Variants in STK38L observed in about 807,000 individuals in gnomAD.
STK38L encodes serine/threonine-protein kinase 38-like.
In STK38L, 28 loss-of-function variants were observed where a neutral mutation model predicts 59.7. The observed-to-expected ratio is 0.47, with a 90% CI of 0.35 to 0.64. The LOEUF is 0.64. STK38L is among the 30% of genes least tolerant of loss of function. The probability of loss-of-function intolerance (pLI) is 0.01; values close to 1 mark genes in which losing one functional copy is unlikely to be tolerated. For synonymous variants in STK38L, 162 were observed against 176.8 expected, an observed-to-expected ratio of 0.92 and a Z score of 0.66; for missense variants, 314 against 555.8, an observed-to-expected ratio of 0.56 and a Z score of 4.37.
chr12:27,254,770 G>A (rs906526693), intron 1 of STK38L, among the ~76,000 whole-genome samples: 2 of 152,136 alleles, frequency 1.3e-5, no homozygotes, highest in African/African-American at 2.4e-5. Context: ...GAGGAAAAGC[G>A]GGCTTGTGGG....
At chr12:27,260,511 CT>C (rs747120654) in intron 1 of STK38L, among the ~76,000 whole-genome samples, 5 of 152,134 alleles carry the variant, frequency 3.3e-5, no homozygotes, top group East Asian at 3.9e-4. Context: ...GTTCTTGCCC[CT>C]GTCACCTCTC....
At chr12:27,255,696 G>A (rs1464667528) in intron 1 of STK38L, among the ~76,000 whole-genome samples, 2 of 152,082 alleles carry the variant, frequency 1.3e-5, no homozygotes, top group Non-Finnish European at 2.9e-5. Context: ...TGGTTAATGT[G>A]CTCTTTTGTC....
At chr12:27,258,507 T>G (rs559828768) in intron 1 of STK38L, among the ~76,000 whole-genome samples, 1 of 152,200 alleles carries the variant, frequency 6.6e-6, no homozygotes, top group Admixed American at 6.5e-5. Context: ...TTTTGTATTT[T>G]TAGTAGAGAT....
At chr12:27,264,075 A>G (rs1415737469) in intron 1 of STK38L, among the ~76,000 whole-genome samples, 1 of 152,192 alleles carries the variant, frequency 6.6e-6, no homozygotes, top group Non-Finnish European at 1.5e-5. Context: ...ACTGGTGAAT[A>G]GTGGAAAATA....
chr12:27,275,821 C>T (rs2136621807), intron 1 of STK38L, among the ~76,000 whole-genome samples: 1 of 152,298 alleles, frequency 6.6e-6, no homozygotes, highest in Non-Finnish European at 1.5e-5. Flanking sequence ...GCAATTCTTA[C>T]TATATTATAC....
chr12:27,257,890 C>A (rs1435126806), intron 1 of STK38L, among the ~76,000 whole-genome samples: 1 of 144,442 alleles, frequency 6.9e-6, no homozygotes, highest in Non-Finnish European at 1.5e-5. Flanking sequence ...TAAGTGGAGT[C>A]TTGCTGTGTT....
intron 1 of STK38L, among the ~76,000 whole-genome samples, chr12:27,279,957 A>T (rs1454223188): frequency 6.6e-6 from 1 of 152,148 alleles, no homozygotes; most frequent in African/African-American, 2.4e-5. Context: ...CTTTGGGATG[A>T]TGACTTAACT....
intron 1 of STK38L, among the ~76,000 whole-genome samples, chr12:27,289,796 C>T (rs964428007): frequency 5.3e-5 from 8 of 152,252 alleles, no homozygotes; most frequent in African/African-American, 1.9e-4. Context: ...ACACCTCTAC[C>T]TCTAGTTCTA....
intron 1 of STK38L, among the ~76,000 whole-genome samples, chr12:27,249,488 C>T (rs1341750326): frequency 2.6e-5 from 4 of 152,210 alleles, no homozygotes; most frequent in African/African-American, 9.6e-5. Context: ...CAGGCACGCA[C>T]CACCATGCCT....
At chr12:27,255,081 A>G (rs550924879) in intron 1 of STK38L, among the ~76,000 whole-genome samples, 14 of 152,386 alleles carry the variant, frequency 9.2e-5, no homozygotes, top group Admixed American at 2.6e-4. Flanking sequence ...TTAAATATCA[A>G]TGAAAATTAT....
chr12:27,262,496 A>G lies in STK38L; in HGVS notation c.-12+18164A>G, dbSNP rs960638359. 9.5e-4 allele frequency among the ~76,000 whole-genome samples: 144 copies of G among 152,276 alleles called. 1 individual carries two copies. Among genetic ancestry groups the G allele is most frequent in the Middle Eastern group, 3.4e-3 (1 of 294 alleles). On this transcript the variant is annotated intron_variant, in intron 1 of 13. Transcript: ENST00000389032. ...TTACATTTTCCATGGCAGAAAACTG[A>G]TAAAATCATTGAGTAGTCAATTTCT...
At chr12:27,256,949 A>G (rs1943103284) in intron 1 of STK38L, among the ~76,000 whole-genome samples, 1 of 152,232 alleles carries the variant, frequency 6.6e-6, no homozygotes, top group African/African-American at 2.4e-5. Flanking sequence ...AAAGGAACAT[A>G]GGGCTTCTCA....
At chr12:27,314,907 T>A (rs113870848) in intron 7 of STK38L, 108 bp from the exon 8 acceptor site, 20 of 964,454 alleles carry the variant, frequency 2.1e-5, no homozygotes, top group Non-Finnish European at 3.0e-5. Flanking sequence ...CGTGTATAAA[T>A]CCCAAGCTAA....
chr12:27,278,993 G>T (rs541874921), intron 1 of STK38L, among the ~76,000 whole-genome samples: 2 of 152,090 alleles, frequency 1.3e-5, no homozygotes, highest in Non-Finnish European at 2.9e-5. Context: ...AAAGAGTAGG[G>T]GCCTGCCCAA....
chr12:27,277,226 A>G (rs1261108190), intron 1 of STK38L, among the ~76,000 whole-genome samples: 3 of 148,164 alleles, frequency 2.0e-5, no homozygotes, highest in African/African-American at 4.9e-5. Flanking sequence ...AATTTAAAGT[A>G]CGAGTAATTA....
chr12:27,283,446 T>C (rs1461732), intron 1 of STK38L, among the ~76,000 whole-genome samples: 119,156 of 152,166 alleles, frequency 0.78, 46,864 homozygotes, highest in Non-Finnish European at 0.83. Flanking sequence ...ACTCGATAAA[T>C]ATTAGTTATT....
At chr12:27,250,054 G>A (rs569885527) in intron 1 of STK38L, among the ~76,000 whole-genome samples, 3 of 152,170 alleles carry the variant, frequency 2.0e-5, no homozygotes, top group Admixed American at 6.5e-5. Context: ...ATGAGGGCAT[G>A]ATAGCTAACC....
intron 1 of STK38L, among the ~76,000 whole-genome samples, chr12:27,287,670 T>C (rs1943804190): frequency 6.6e-6 from 1 of 152,188 alleles, no homozygotes; most frequent in Non-Finnish European, 1.5e-5. Flanking sequence ...CCTTCCTTCA[T>C]TCTTTCCTTC....
At chr12:27,265,736 G>A (rs532261223) in intron 1 of STK38L, among the ~76,000 whole-genome samples, 1 of 152,272 alleles carries the variant, frequency 6.6e-6, no homozygotes, top group South Asian at 2.1e-4. Flanking sequence ...TATTGGCCAT[G>A]TATGACCATA....
Sources: allele counts gnomAD v4.1 joint callset (sites outside exome capture counted in the v4.1 genomes callset), GRCh38; gene constraint gnomAD v4.1.1; transcripts MANE v1.5; gene names NCBI Gene and HGNC (gene_info 2026-07-23, HGNC 2026-07-21).